The following DRC8 variants were observed in gnomAD, a reference collection of about 807,000 sequenced individuals.
DRC8 encodes dynein regulatory complex subunit 8.
At chr1:245,068,293 C>T in the DRC8 span, among the ~76,000 whole-genome samples, 1 of 152,006 alleles carries the variant, frequency 6.6e-6, no homozygotes, top group Non-Finnish European at 1.5e-5. Flanking sequence ...TAGGTAATAT[C>T]CAGATTACAA....
chr1:245,075,730 G>A, the DRC8 span: 1 of 152,144 alleles, frequency 6.6e-6, no homozygotes, highest in African/African-American at 2.4e-5. Flanking sequence ...AACGCTGCCC[G>A]GCTTACTTTT....
At chr1:244,981,739 C>T in the DRC8 span, among the ~76,000 whole-genome samples, 1 of 152,144 alleles carries the variant, frequency 6.6e-6, no homozygotes, top group Non-Finnish European at 1.5e-5. Context: ...GGCGGTCCCT[C>T]ACACTTCCTC....
chr1:245,120,675 C>T, the DRC8 span, among the ~76,000 whole-genome samples: 1 of 152,196 alleles, frequency 6.6e-6, no homozygotes, highest in Admixed American at 6.5e-5. Context: ...CTTGTATACC[C>T]AAGCAGTGAT....
At chr1:245,096,303 G>C in the DRC8 span, among the ~76,000 whole-genome samples, 1 of 152,210 alleles carries the variant, frequency 6.6e-6, no homozygotes, top group African/African-American at 2.4e-5. Context: ...ATAGGAACTG[G>C]GGAAATAAGC....
At chr1:245,095,688 TATTTA>T in the DRC8 span, among the ~76,000 whole-genome samples, 1 of 152,222 alleles carries the variant, frequency 6.6e-6, no homozygotes, top group Non-Finnish European at 1.5e-5. Context: ...ACACCTGGCC[TATTTA>T]ATTAGTTCCT....
chr1:245,087,090 T>C, the DRC8 span: 4 of 1,107,736 alleles, frequency 3.6e-6, no homozygotes, highest in Non-Finnish European at 3.8e-6. Context: ...TTTGAACCTC[T>C]GGACTGTCGT....
chr1:244,983,608 C>T, the DRC8 span, among the ~76,000 whole-genome samples: 16 of 151,856 alleles, frequency 1.1e-4, no homozygotes, highest in South Asian at 1.3e-3. Flanking sequence ...GTTGTGGTGG[C>T]GCATGCTTGT....
At chr1:244,989,489 A>G in the DRC8 span, among the ~76,000 whole-genome samples, 5 of 152,160 alleles carry the variant, frequency 3.3e-5, no homozygotes, top group African/African-American at 1.2e-4. Flanking sequence ...GACTGGTGGA[A>G]TGGGATTTTA....
At chr1:245,096,128 C>T in the DRC8 span, among the ~76,000 whole-genome samples, 6 of 152,176 alleles carry the variant, frequency 3.9e-5, no homozygotes, top group East Asian at 3.8e-4. Flanking sequence ...ACAAACCCCT[C>T]GGCTGCTATG....
chr1:245,012,296 T>G, the DRC8 span, among the ~76,000 whole-genome samples: 1 of 152,020 alleles, frequency 6.6e-6, no homozygotes, highest in Middle Eastern at 3.4e-3. Flanking sequence ...AGCATTATAC[T>G]TATTGGTAAA....
the DRC8 span, among the ~76,000 whole-genome samples, chr1:245,042,646 T>A: frequency 4.6e-5 from 7 of 152,404 alleles, no homozygotes; most frequent in East Asian, 1.3e-3. Flanking sequence ...GCTTTGTCCT[T>A]AGACATTTTT....
the DRC8 span, among the ~76,000 whole-genome samples, chr1:245,082,970 A>C: frequency 6.6e-6 from 1 of 151,918 alleles, no homozygotes. Context: ...CAGCCTCCCA[A>C]AGTGCTGGGA....
chr1:245,076,258 G>A, the DRC8 span, among the ~76,000 whole-genome samples: 1 of 152,142 alleles, frequency 6.6e-6, no homozygotes, highest in Non-Finnish European at 1.5e-5. Context: ...CATCATCATC[G>A]TCATGATTGA....
chr1:244,970,198 G>C, the DRC8 span: 2 of 730,236 alleles, frequency 2.7e-6, no homozygotes, highest in Admixed American at 2.1e-5. Context: ...GGCAGACGGG[G>C]CCTCTGGTCT....
the DRC8 span, among the ~76,000 whole-genome samples, chr1:245,076,855 T>C: frequency 6.6e-6 from 1 of 152,050 alleles, no homozygotes; most frequent in Non-Finnish European, 1.5e-5. Flanking sequence ...GCCTCCCGAG[T>C]AGCTGGGACT....
At chr1:245,035,281 A>G in the DRC8 span, among the ~76,000 whole-genome samples, 1 of 152,142 alleles carries the variant, frequency 6.6e-6, no homozygotes, top group African/African-American at 2.4e-5. Flanking sequence ...AAAAAGGATA[A>G]CAAAGTTGGA....
At chr1:245,061,202 G>C in the DRC8 span, among the ~76,000 whole-genome samples, 1 of 152,188 alleles carries the variant, frequency 6.6e-6, no homozygotes, top group South Asian at 2.1e-4. Flanking sequence ...TGCAAAAGGA[G>C]TATAATAACA....
At chr1:245,055,825 T>G in the DRC8 span, among the ~76,000 whole-genome samples, 174 of 152,346 alleles carry the variant, frequency 1.1e-3, 2 homozygotes, top group African/African-American at 3.7e-3. Flanking sequence ...GCTTCTCTTA[T>G]GTGTTTAAGA....
chr1:245,078,090 C>T, the DRC8 span, among the ~76,000 whole-genome samples: 1 of 152,022 alleles, frequency 6.6e-6, no homozygotes, highest in African/African-American at 2.4e-5. Flanking sequence ...AAATGTCCAA[C>T]AGGTATATGA....
Sources: gnomAD v4.1 joint callset for allele counts (sites outside exome capture counted in the v4.1 genomes callset) on GRCh38, gnomAD v4.1.1 for gene constraint, MANE v1.5 for transcripts, NCBI Gene and HGNC (gene_info 2026-07-23, HGNC 2026-07-21) for gene names.